COL4A1: variants seen among roughly 807,000 people sequenced by gnomAD.
The protein encoded by COL4A1 is collagen type IV alpha 1 chain.
In COL4A1, 40 loss-of-function variants were observed where a neutral mutation model predicts 216.6. The ratio of observed to expected loss-of-function variants is 0.18; its 90% confidence interval spans 0.14 to 0.24. The LOEUF is 0.24. COL4A1 is among the 10% of genes least tolerant of loss of function. COL4A1 has a pLI of 1.00. For missense variants in COL4A1, 1,628 were observed against 2,196.8 expected (o/e 0.74, Z 5.18); for synonymous variants, 839 against 810.7 (o/e 1.03, Z -0.59).
intron 1 of COL4A1, among the ~76,000 whole-genome samples, chr13:110,261,347 C>A (rs531709451): frequency 6.6e-6 from 1 of 152,214 alleles, no homozygotes; most frequent in Non-Finnish European, 1.5e-5. Flanking sequence ...TGGATTCTCT[C>A]AAAACAACAT....
At chr13:110,241,068 C>G (rs563774372) in intron 2 of COL4A1, among the ~76,000 whole-genome samples, 2 of 152,160 alleles carry the variant, frequency 1.3e-5, no homozygotes. Context: ...CTGAGTTTCA[C>G]CGTGTTGGCC....
Position 110,176,946 on chromosome 13 carries a change from G to A in COL4A1, c.2808C>T (p.Gly936=). 1.2e-6 allele frequency: 2 copies of A among 1,614,144 alleles called. No homozygotes were observed. Among genetic ancestry groups the A allele is most frequent in the Non-Finnish European group, 1.7e-6 (2 of 1,180,032 alleles). The change falls in exon 34 of 52, where the codon GGC becomes GGT. Residue 936 remains glycine, a synonymous_variant. Transcript: ENST00000375820. The part of the protein sequence containing the change: ...KGDVGLPGKP[G]SMDKVDMGSM... ...TGCCCATGTCCACCTTATCCATGGA[G>A]CCAGGCTTGCCAGGGAGACCGACAT...
intron 42 of COL4A1, among the ~76,000 whole-genome samples, chr13:110,170,257 G>C (rs1877570942): frequency 6.6e-6 from 1 of 152,174 alleles, no homozygotes; most frequent in South Asian, 2.1e-4. Flanking sequence ...CCCACAAGTG[G>C]GCCCAAGTGC....
chr13:110,282,191 T>C (rs937062780), intron 1 of COL4A1, among the ~76,000 whole-genome samples: 3 of 152,208 alleles, frequency 2.0e-5, no homozygotes, highest in East Asian at 3.8e-4. Flanking sequence ...GTCAATATTG[T>C]AAACTTGGAT....
intron 2 of COL4A1, among the ~76,000 whole-genome samples, chr13:110,235,764 G>C (rs752743096): frequency 6.6e-5 from 10 of 151,862 alleles, no homozygotes; most frequent in Non-Finnish European, 1.3e-4. Context: ...CAGATACTAG[G>C]AATAACAAGG....
chr13:110,280,625 A>G (rs894750166), intron 1 of COL4A1, among the ~76,000 whole-genome samples: 3 of 152,272 alleles, frequency 2.0e-5, no homozygotes, highest in African/African-American at 7.2e-5. Context: ...GACAGAGGAC[A>G]ATCCCACGCC....
intron 1 of COL4A1, among the ~76,000 whole-genome samples, chr13:110,283,356 A>T (rs541602994): frequency 6.2e-4 from 94 of 152,370 alleles, no homozygotes; most frequent in African/African-American, 2.1e-3. Flanking sequence ...AGAAGTGGCT[A>T]ATAAGCCAAA....
intron 26 of COL4A1, among the ~76,000 whole-genome samples, chr13:110,186,137 T>C (rs1342046385): frequency 6.6e-6 from 1 of 152,188 alleles, no homozygotes; most frequent in African/African-American, 2.4e-5. Flanking sequence ...GTGCGTGCTG[T>C]GTACTTACTT....
chr13:110,185,952 T>G (rs1441332717), intron 26 of COL4A1, among the ~76,000 whole-genome samples: 2 of 152,196 alleles, frequency 1.3e-5, no homozygotes, highest in Non-Finnish European at 2.9e-5. Context: ...GTCATCGCGC[T>G]GTAGGACCTC....
rs888601388 is a variant in COL4A1, at chr13:110,208,782, G to A, written c.693+67C>T. On this transcript the variant is annotated intron_variant, in intron 12 of 51. Coordinates refer to ENST00000375820, the MANE Select transcript of COL4A1 (RefSeq NM_001845.6). ...GTAAGAGTCCAGACATTGATCCAAA[G>A]GTGGGAACTGTCAGGTGAGGACTGT... The A allele has an allele frequency of 5.6e-6, 8 of 1,425,700 alleles. No individual in the cohort carries two copies. In the African/African-American group the frequency reaches 1.1e-4, roughly 20 times the overall value. 88.3% of individuals were successfully genotyped at this position (1,425,700 alleles called of 1,614,324 possible). A position where few individuals can be genotyped will look rare whatever the true frequency, so the allele number is the denominator to read the frequency against.
In COL4A1 at chr13:110,211,744, T is replaced by C. The variant is rs1019768461; in HGVS notation, c.442-71A>G. ...CATTAGCATTAAAATTGTTATCATG[T>C]AATATTATATATAAAATATAAGTTA... On this transcript the variant is annotated intron_variant, in intron 7 of 51. Coordinates refer to ENST00000375820, the MANE Select transcript of COL4A1 (RefSeq NM_001845.6). The surrounding 1 kb of genome is among the most constrained non-coding windows in gnomAD (Gnocchi z 4.3). 1 of 1,438,444 alleles carries C rather than the reference T, an allele frequency of 7.0e-7. No individual in the cohort carries two copies. The highest frequency in any genetic ancestry group is 9.5e-7 in the Non-Finnish European group (1 of 1,050,440). The allele number at this position is 1,438,444 out of a possible 1,614,324, so 89.1% of individuals were successfully genotyped here. A position where few individuals can be genotyped will look rare whatever the true frequency, so the allele number is the denominator to read the frequency against.
chr13:110,169,429 G>A (rs538882423), intron 43 of COL4A1, among the ~76,000 whole-genome samples, 200 bp downstream of exon 43: 1 of 150,530 alleles, frequency 6.6e-6, no homozygotes, highest in South Asian at 2.1e-4. Flanking sequence ...CTACTCTGAT[G>A]CCAATAAAGA....
chr13:110,172,214 C>T (rs1877678822), intron 41 of COL4A1, among the ~76,000 whole-genome samples: 1 of 152,220 alleles, frequency 6.6e-6, no homozygotes, highest in Admixed American at 6.5e-5. Flanking sequence ...CTTGTATTTT[C>T]TGTGTCCCCT....
Position 110,212,616 on chromosome 13 carries a change from T to C in COL4A1, c.282A>G (p.Gly94=). The C allele has an allele frequency of 6.2e-7, 1 of 1,613,822 alleles. No individual in the cohort carries two copies. Among genetic ancestry groups the C allele is most frequent in the Non-Finnish European group, 8.5e-7 (1 of 1,180,000 alleles). The change falls in exon 5 of 52, where the codon GGA becomes GGG. Residue 94 remains glycine, a splice_region_variant and synonymous_variant. Coordinates refer to ENST00000375820, the MANE Select transcript of COL4A1 (RefSeq NM_001845.6). ...PGLPGTKGTR[G]PPGASGYPGN... is the part of the protein sequence containing the mutation. The stretch of plus-strand genomic sequence containing the variant: ...CAGGGTAGCCAGATGCTCCCGGAGG[T>C]CCCTGTGAGGGCGGAAGTAAAAGCG...
At chr13:110,201,161 G>A (rs1401250805) in intron 19 of COL4A1, among the ~76,000 whole-genome samples, 1 of 151,664 alleles carries the variant, frequency 6.6e-6, no homozygotes, top group Admixed American at 6.6e-5. Flanking sequence ...GCCTGCAGAT[G>A]CTTCCAAAAT....
intron 24 of COL4A1, chr13:110,191,685 G>GT: frequency 1.5e-6 from 1 of 670,276 alleles, no homozygotes; most frequent in Non-Finnish European, 2.7e-6. Flanking sequence ...ATTTTCAACT[G>GT]TAAGAAGAAG....
At chr13:110,173,555 A>C (rs1157560470) in intron 40 of COL4A1, among the ~76,000 whole-genome samples, 1 of 152,148 alleles carries the variant, frequency 6.6e-6, no homozygotes, top group Non-Finnish European at 1.5e-5. Flanking sequence ...GGCAAAGAAA[A>C]GAGTTTTGTT....
In COL4A1 at chr13:110,149,432, A is replaced by G. The variant is rs1039998862; in HGVS notation, c.*931T>C. ...TTTGTGATTAGTGTTTAAAACCCTGAAAATATTTAATACAGAATAAAAACA... is the reference window on the plus strand; with the variant it reads ...TTTGTGATTAGTGTTTAAAACCCTGGAAATATTTAATACAGAATAAAAACA... On this transcript the variant is annotated 3_prime_UTR_variant, in exon 52 of 52. Transcript: ENST00000375820. 1.3e-5 allele frequency: 2 copies of G among 154,224 alleles called. No homozygotes were observed. Among genetic ancestry groups the G allele is most frequent in the African/African-American group, 4.8e-5 (2 of 41,528 alleles). The allele number at this position is 154,224 out of a possible 1,614,324, so 9.6% of individuals were successfully genotyped here.
intron 49 of COL4A1, among the ~76,000 whole-genome samples, chr13:110,158,715 T>G (rs1381584817): frequency 1.3e-5 from 2 of 151,722 alleles, no homozygotes; most frequent in African/African-American, 4.8e-5. Flanking sequence ...TTCCTATTAT[T>G]TCTGAATATT....
Sources: gnomAD v4.1 joint callset for allele counts (sites outside exome capture counted in the v4.1 genomes callset) on GRCh38, gnomAD v4.1.1 for gene constraint, Gnocchi (gnomAD v3.1) non-coding constraint, MANE v1.5 for transcripts, NCBI Gene and HGNC (gene_info 2026-07-23, HGNC 2026-07-21) for gene names.